Variants in ZNF385D observed in about 807,000 individuals in gnomAD.
ZNF385D encodes zinc finger protein 659.
A neutral mutation model predicts 35.8 loss-of-function variants in ZNF385D; 15 were observed. The observed-to-expected ratio is 0.42, with a 90% CI of 0.28 to 0.64. The LOEUF is 0.64. ZNF385D is among the 30% of genes least tolerant of loss of function. The pLI, the probability that ZNF385D is intolerant of heterozygous loss-of-function variation, is 0.23. For synonymous variants in ZNF385D, 212 were observed against 186.8 expected (o/e 1.13, Z -1.10); for missense variants, 474 against 494.6 (o/e 0.96, Z 0.39).
intron 3 of ZNF385D, among the ~76,000 whole-genome samples, chr3:21,772,957 A>C (rs1023528956): frequency 3.3e-5 from 5 of 151,928 alleles, no homozygotes; most frequent in Admixed American, 1.3e-4. Flanking sequence ...AATCACTAAA[A>C]GACAAATACT....
rs1349237369 is a variant in ZNF385D at position 21,997,862 on chromosome 3, CGCGCGCGCGCGTGTGT to C, written c.325+170939_325+170954del. On this transcript the variant is annotated intron_variant, in intron 3 of 5. Transcript: ENST00000494108. ...TTTGTTGATGTTGCTATTTGGCGCG[CGCGCGCGCGCGTGTGT>C]GTGTGTGTGTGTGTGTGTGTGTGTG... 6.8e-4 allele frequency among the ~76,000 whole-genome samples: 77 copies of C among 112,530 alleles called. No homozygotes were observed. In the East Asian group the frequency reaches 1.0e-2, roughly 15 times the overall value. 73.8% of individuals were successfully genotyped at this position (112,530 alleles called of 152,430 possible).
chr3:22,285,093 G>C (rs1225526601), intron 2 of ZNF385D, among the ~76,000 whole-genome samples: 1 of 152,002 alleles, frequency 6.6e-6, no homozygotes, highest in East Asian at 1.9e-4. Context: ...AAAAAAATTG[G>C]AATTTTTCAG....
intron 4 of ZNF385D, among the ~76,000 whole-genome samples, chr3:21,437,708 A>AAAAAAAACC (rs1209798351): frequency 9.2e-6 from 1 of 108,962 alleles, no homozygotes; most frequent in African/African-American, 4.2e-5. Context: ...ATACAAAAAA[A>AAAAAAAACC]AAAAAAAAAA....
At chr3:21,444,808 A>G (rs1319823914) in intron 4 of ZNF385D, among the ~76,000 whole-genome samples, 1 of 130,280 alleles carries the variant, frequency 7.7e-6, no homozygotes, top group Non-Finnish European at 1.5e-5. Context: ...AATTTATCCA[A>G]AATTTAGGCA....
intron 3 of ZNF385D, among the ~76,000 whole-genome samples, chr3:21,891,117 C>T (rs375921079): frequency 1.4e-3 from 210 of 152,054 alleles, no homozygotes; most frequent in Non-Finnish European, 2.3e-3. Flanking sequence ...AAGTAATACT[C>T]TATAAGATTT....
chr3:22,221,014 A>G (rs1417008786), intron 2 of ZNF385D, among the ~76,000 whole-genome samples: 1 of 152,118 alleles, frequency 6.6e-6, no homozygotes, highest in African/African-American at 2.4e-5. Context: ...TTTCATCTCT[A>G]CATATGGTAG....
chr3:21,870,041 A>G (rs774799464), intron 3 of ZNF385D, among the ~76,000 whole-genome samples: 11 of 152,206 alleles, frequency 7.2e-5, no homozygotes, highest in Non-Finnish European at 1.5e-4. Context: ...AATCTGCAAA[A>G]TCCTCATTCT....
rs534868628 is a variant in ZNF385D, at chr3:22,246,320, C to T, written c.107-77285G>A. On this transcript the variant is annotated intron_variant, in intron 2 of 5. Transcript: ENST00000494108. ...GATGGCACGCAAATTTTTTGGTTGA[C>T]CTCTGTCTACTCTGAAGCATGTTCC... Among the ~76,000 whole-genome samples the T allele has an allele frequency of 7.2e-5, 11 of 152,110 alleles. 1 individual carries two copies. In the East Asian group the frequency reaches 2.1e-3, roughly 29 times the overall value.
chr3:21,968,081 G>A (rs936383851), intron 3 of ZNF385D, among the ~76,000 whole-genome samples: 1 of 152,168 alleles, frequency 6.6e-6, no homozygotes, highest in Non-Finnish European at 1.5e-5. Flanking sequence ...ACGGTGCAGA[G>A]AGAGTATCCA....
At chr3:21,903,078 C>A (rs1411638525) in intron 3 of ZNF385D, among the ~76,000 whole-genome samples, 2 of 152,124 alleles carry the variant, frequency 1.3e-5, no homozygotes, top group Non-Finnish European at 2.9e-5. Context: ...GCTAGCTTTG[C>A]AACCCCATAC....
At chr3:21,423,822 G>T (rs1700857273) in intron 7 of ZNF385D, 141 bp downstream of exon 7, 1 of 701,562 alleles carries the variant, frequency 1.4e-6, no homozygotes. Flanking sequence ...TTTTCCCTAT[G>T]ATCTATGATA....
intron 3 of ZNF385D, among the ~76,000 whole-genome samples, chr3:21,844,802 T>A (rs967624080): frequency 1.3e-5 from 2 of 151,976 alleles, no homozygotes; most frequent in East Asian, 1.9e-4. Context: ...AAAAAAATGA[T>A]CAATTTTACT....
chr3:21,821,466 A>G (rs1284118314), intron 3 of ZNF385D, among the ~76,000 whole-genome samples: 2 of 152,226 alleles, frequency 1.3e-5, no homozygotes, highest in African/African-American at 4.8e-5. Context: ...ATTAAAAAAT[A>G]CAGCAAACAT....
At position 21,909,563 on chromosome 3, in the gene ZNF385D, G is replaced by C. The variant is rs543161880; in HGVS notation, c.326-244535C>G. 4.0e-5 allele frequency among the ~76,000 whole-genome samples: 6 copies of C among 151,454 alleles called. No homozygotes were observed. In the East Asian group the frequency reaches 1.2e-3, roughly 30 times the overall value. On this transcript the variant is annotated intron_variant, in intron 3 of 5. Coordinates refer to the ZNF385D transcript ENST00000494108. Reference sequence around the variant, plus strand: ...GTGGCAAGAGAGAGTTAGTAGATAGGCATAAAAATTCTGCTTCATTCTTAT... The same window carrying C: ...GTGGCAAGAGAGAGTTAGTAGATAGCCATAAAAATTCTGCTTCATTCTTAT...
chr3:21,757,971 T>A (rs758275008), intron 3 of ZNF385D, among the ~76,000 whole-genome samples: 2 of 152,242 alleles, frequency 1.3e-5, no homozygotes, highest in Non-Finnish European at 2.9e-5. Flanking sequence ...TGCTTCCTAC[T>A]GTTCCTACTG....
chr3:21,461,208 T>G (rs1260332032), intron 4 of ZNF385D, among the ~76,000 whole-genome samples: 1 of 152,186 alleles, frequency 6.6e-6, no homozygotes. Flanking sequence ...GTTTGATTTT[T>G]GTTCTTGTTA....
chr3:21,849,362 A>G (rs917629021), intron 3 of ZNF385D, among the ~76,000 whole-genome samples: 1 of 152,128 alleles, frequency 6.6e-6, no homozygotes, highest in Non-Finnish European at 1.5e-5. Context: ...TAATTTAAAT[A>G]TTTATACAAG....
rs142428476 is a variant in ZNF385D, at chr3:21,652,596, G to C, written c.165+12290C>G. Among the ~76,000 whole-genome samples the C allele has an allele frequency of 4.5e-3, 683 of 151,694 alleles. 9 individuals are homozygous for C. The highest frequency in any genetic ancestry group is 4.0e-3 in the Non-Finnish European group (270 of 67,958). On this transcript the variant is annotated intron_variant, in intron 2 of 7. Coordinates refer to ENST00000281523, the MANE Select transcript of ZNF385D (RefSeq NM_024697.3). Reference sequence around the variant, plus strand: ...CCATCAACTCGTCATTTAGCATTAGGTATATCTCCCAATGCTATCCCTCCC... The same window carrying C: ...CCATCAACTCGTCATTTAGCATTAGCTATATCTCCCAATGCTATCCCTCCC...
chr3:21,898,729 T>G (rs187033218), intron 3 of ZNF385D, among the ~76,000 whole-genome samples: 31 of 152,298 alleles, frequency 2.0e-4, no homozygotes, highest in Non-Finnish European at 4.1e-4. Flanking sequence ...TCTGGACTGA[T>G]TGATGAAGCA....
Sources: gnomAD v4.1 joint callset for allele counts (sites outside exome capture counted in the v4.1 genomes callset) on GRCh38, gnomAD v4.1.1 for gene constraint, MANE v1.5 for transcripts, NCBI Gene and HGNC (gene_info 2026-07-23, HGNC 2026-07-21) for gene names.